Variants in ZNF385D observed in about 807,000 individuals in gnomAD.
ZNF385D encodes the protein zinc finger protein 659.
A neutral mutation model predicts 35.8 loss-of-function variants in ZNF385D; 15 were observed. The observed-to-expected ratio is 0.42, with a 90% CI of 0.28 to 0.64. The LOEUF is 0.64. ZNF385D is among the 30% of genes least tolerant of loss of function. ZNF385D has a pLI of 0.23. For missense variants in ZNF385D, 474 were observed against 494.6 expected (o/e 0.96, Z 0.39); for synonymous variants, 212 against 186.8 (o/e 1.13, Z -1.10).
intron 1 of ZNF385D, among the ~76,000 whole-genome samples, chr3:21,727,372 C>A (rs1403001689): frequency 6.6e-6 from 1 of 152,124 alleles, no homozygotes; most frequent in Admixed American, 6.5e-5. Context: ...AAACTATCAT[C>A]AGAGGGAACA....
At position 22,281,547 on chromosome 3, in the gene ZNF385D, T is replaced by A. The variant is rs1044966721; in HGVS notation, c.106+90903A>T. ...ACGTGGTATATCACATTTACTGACTTGTGGATGTTAAACCATCCCTGCGCA... is the reference window on the plus strand; with the variant it reads ...ACGTGGTATATCACATTTACTGACTAGTGGATGTTAAACCATCCCTGCGCA... On this transcript the variant is annotated intron_variant, in intron 2 of 5. Transcript: ENST00000494108. 7.2e-5 allele frequency among the ~76,000 whole-genome samples: 11 copies of A among 152,246 alleles called. No individual in the cohort carries two copies. The South Asian group carries it at 8.3e-4, about 11-fold the overall frequency.
At chr3:21,685,597 A>G (rs951664394) in intron 1 of ZNF385D, among the ~76,000 whole-genome samples, 2 of 152,236 alleles carry the variant, frequency 1.3e-5, no homozygotes, top group Non-Finnish European at 2.9e-5. Flanking sequence ...GGCACCAAAG[A>G]GCCGCTTCAC....
rs116250270 is a variant in ZNF385D at position 21,855,240 on chromosome 3, G to C, written c.326-190212C>G. Among the ~76,000 whole-genome samples the C allele has an allele frequency of 7.9e-3, 1,198 of 152,016 alleles. 16 individuals carry two copies. The highest frequency in any genetic ancestry group is 0.028 in the African/African-American group (1,150 of 41,486). Reference sequence around the variant, plus strand: ...CATACTGTCTCAAAATAATTTGTTTGCTTTCCCTTAAGAATTTTTTAGCTG... The same window carrying C: ...CATACTGTCTCAAAATAATTTGTTTCCTTTCCCTTAAGAATTTTTTAGCTG... On this transcript the variant is annotated intron_variant, in intron 3 of 5. Coordinates refer to the ZNF385D transcript ENST00000494108.
chr3:22,271,372 AG>A (rs1701168343), intron 2 of ZNF385D, among the ~76,000 whole-genome samples: 1 of 152,012 alleles, frequency 6.6e-6, no homozygotes, highest in Non-Finnish European at 1.5e-5. Flanking sequence ...TTATTCAAAA[AG>A]GGTTGTCTAA....
rs151185506 is a variant in ZNF385D, at chr3:21,471,295, TCACACACACACACA to T, written c.440-34106_440-34093del. ...CTCTTTCTCTCTCTCTCTCTCTCTC[TCACACACACACACA>T]CACACACACACACACACACACACAC... is the stretch of plus-strand genomic sequence containing the variant. On this transcript the variant is annotated intron_variant, in intron 4 of 7. Transcript: ENST00000281523. Among the ~76,000 whole-genome samples, 117 of 86,272 alleles carry T rather than the reference TCACACACACACACA, an allele frequency of 1.4e-3. 2 individuals carry two copies. Among genetic ancestry groups the T allele is most frequent in the Middle Eastern group, 6.0e-3 (1 of 166 alleles). The allele number at this position is 86,272 out of a possible 152,430, so 56.6% of individuals were successfully genotyped here.
intron 3 of ZNF385D, among the ~76,000 whole-genome samples, chr3:21,973,923 G>A (rs1440249508): frequency 6.6e-6 from 1 of 151,718 alleles, no homozygotes; most frequent in Non-Finnish European, 1.5e-5. Context: ...AAATTGAAGA[G>A]GTCAAAAAAA....
chr3:21,980,628 T>A (rs1694379032), intron 3 of ZNF385D, among the ~76,000 whole-genome samples: 1 of 152,152 alleles, frequency 6.6e-6, no homozygotes, highest in African/African-American at 2.4e-5. Context: ...TAAACACATG[T>A]CCCAGGGGTT....
At chr3:21,681,871 T>A (rs2066922860) in intron 1 of ZNF385D, among the ~76,000 whole-genome samples, 1 of 150,738 alleles carries the variant, frequency 6.6e-6, no homozygotes, top group Non-Finnish European at 1.5e-5. Context: ...GCTCAGGTAT[T>A]GAAAACATGT....
At chr3:21,493,702 A>T (rs943274697) in intron 4 of ZNF385D, among the ~76,000 whole-genome samples, 2 of 151,900 alleles carry the variant, frequency 1.3e-5, no homozygotes, top group Non-Finnish European at 2.9e-5. Context: ...AGTCTCAAGC[A>T]ATCCTCCCAT....
chr3:21,795,536 C>G (rs2072111390), intron 3 of ZNF385D, among the ~76,000 whole-genome samples: 2 of 152,120 alleles, frequency 1.3e-5, no homozygotes, highest in African/African-American at 4.8e-5. Flanking sequence ...AGAAAACAAG[C>G]TAAAATAAAA....
chr3:22,349,438 C>G (rs1695816341), intron 2 of ZNF385D, among the ~76,000 whole-genome samples: 1 of 152,194 alleles, frequency 6.6e-6, no homozygotes, highest in African/African-American at 2.4e-5. Flanking sequence ...ATGCCATTCT[C>G]TGAGATAATA....
chr3:22,182,803 G>A (rs2125781721), intron 2 of ZNF385D, among the ~76,000 whole-genome samples: 1 of 152,072 alleles, frequency 6.6e-6, no homozygotes, highest in South Asian at 2.1e-4. Flanking sequence ...ATGTACTGCA[G>A]GGTAGTAAAT....
At chr3:21,852,974 C>T (rs897210835) in intron 3 of ZNF385D, among the ~76,000 whole-genome samples, 1 of 151,824 alleles carries the variant, frequency 6.6e-6, no homozygotes, top group African/African-American at 2.4e-5. Context: ...CACTTGTTCC[C>T]TCCACACTAA....
chr3:22,199,461 G>C (rs192800003), intron 2 of ZNF385D, among the ~76,000 whole-genome samples: 1 of 152,178 alleles, frequency 6.6e-6, no homozygotes, highest in East Asian at 1.9e-4. Flanking sequence ...GTTAGGCCAT[G>C]GTAATATTAG....
rs561078366 is a variant in ZNF385D at position 21,579,126 on chromosome 3, AG to A, written c.166-14443del. 321 of 152,300 alleles carry A rather than the reference AG, an allele frequency of 2.1e-3. 1 individual carries two copies. The highest frequency in any genetic ancestry group is 7.5e-3 in the African/African-American group (313 of 41,562). The allele number at this position is 152,300 out of a possible 1,614,324, so 9.4% of individuals were successfully genotyped here. On this transcript the variant is annotated intron_variant, in intron 2 of 7. Transcript: ENST00000281523. Reference sequence around the variant, plus strand: ...ATACCTATTGCCACAAAGAGAAGTCAGGTTTCTCGATGTTTATGACTGGTCT... The same window carrying A: ...ATACCTATTGCCACAAAGAGAAGTCAGTTTCTCGATGTTTATGACTGGTCT...
chr3:21,741,210 C>G (rs2069499895), intron 1 of ZNF385D, among the ~76,000 whole-genome samples: 1 of 152,158 alleles, frequency 6.6e-6, no homozygotes, highest in Non-Finnish European at 1.5e-5. Context: ...AAGCTTCTCA[C>G]TACAGTATTT....
At chr3:21,864,838 A>G (rs1004925826) in intron 3 of ZNF385D, among the ~76,000 whole-genome samples, 4 of 151,968 alleles carry the variant, frequency 2.6e-5, no homozygotes, top group African/African-American at 9.7e-5. Context: ...ATCATTCTTT[A>G]TTATTCCAAT....
chr3:21,796,418 C>A (rs1016764276), intron 3 of ZNF385D, among the ~76,000 whole-genome samples: 1 of 152,004 alleles, frequency 6.6e-6, no homozygotes. Flanking sequence ...TCCAAAAATG[C>A]GTAAAAAATT....
intron 1 of ZNF385D, among the ~76,000 whole-genome samples, chr3:21,704,510 T>TTATA (rs1292438395): frequency 6.6e-6 from 1 of 152,048 alleles, no homozygotes; most frequent in African/African-American, 2.4e-5. Flanking sequence ...TTATTTTATT[T>TTATA]TATTTATTTA....
Sources: gnomAD v4.1 joint callset for allele counts (sites outside exome capture counted in the v4.1 genomes callset) on GRCh38, gnomAD v4.1.1 for gene constraint, MANE v1.5 for transcripts, NCBI Gene and HGNC (gene_info 2026-07-23, HGNC 2026-07-21) for gene names.